XKR6: variants seen among roughly 807,000 people sequenced by gnomAD.
XKR6 encodes XK related 6, also known as XK-related protein 6.
In XKR6, 22 loss-of-function variants were observed where a neutral mutation model predicts 56.7. The ratio of observed to expected loss-of-function variants is 0.39; its 90% CI spans 0.28 to 0.55. The LOEUF (loss-of-function observed/expected upper bound fraction) is 0.55, where lower values mean the gene tolerates loss of function less well. Ranked by LOEUF, XKR6 falls within the 20% of genes least tolerant of loss-of-function variation. The pLI, the probability that XKR6 is intolerant of heterozygous loss-of-function variation, is 0.66. For synonymous variants in XKR6, 524 were observed against 387.8 expected (o/e 1.35, Z -4.13); for missense variants, 852 against 889.0 (o/e 0.96, Z 0.53).
intron 1 of XKR6, among the ~76,000 whole-genome samples, chr8:11,156,182 G>C (rs768702796): frequency 8.5e-5 from 13 of 152,150 alleles, no homozygotes; most frequent in African/African-American, 2.4e-5. Flanking sequence ...CTGTGGCAAG[G>C]TCAGAATCTG....
intron 1 of XKR6, among the ~76,000 whole-genome samples, chr8:10,954,923 C>CAGT (rs918870039): frequency 1.5e-5 from 2 of 134,468 alleles, no homozygotes; most frequent in Non-Finnish European, 3.1e-5. Flanking sequence ...GGCTGAAGTG[C>CAGT]AGTGGTGCAA....
intron 1 of XKR6, among the ~76,000 whole-genome samples, chr8:11,143,038 C>G (rs1046096787): frequency 6.6e-6 from 1 of 152,152 alleles, no homozygotes; most frequent in Non-Finnish European, 1.5e-5. Flanking sequence ...ATAAACTCAA[C>G]AACCAAATAG....
At chr8:10,956,170 G>A (rs886259808) in intron 1 of XKR6, among the ~76,000 whole-genome samples, 1 of 133,626 alleles carries the variant, frequency 7.5e-6, no homozygotes, top group African/African-American at 2.6e-5. Flanking sequence ...GGAGGAAGTA[G>A]GCAGAAAGGA....
At chr8:11,053,835 G>A (rs1466623071) in intron 1 of XKR6, among the ~76,000 whole-genome samples, 1 of 152,192 alleles carries the variant, frequency 6.6e-6, no homozygotes, top group Admixed American at 6.5e-5. Context: ...CACCTAAGCA[G>A]GGAAGAGAAG....
At chr8:11,178,991 C>T (rs915371969) in intron 1 of XKR6, among the ~76,000 whole-genome samples, 1 of 150,072 alleles carries the variant, frequency 6.7e-6, no homozygotes, top group South Asian at 2.1e-4. Flanking sequence ...TACAGGCATA[C>T]ACGACCACAC....
chr8:11,012,730 C>T (rs574532491), intron 1 of XKR6, among the ~76,000 whole-genome samples: 2 of 151,142 alleles, frequency 1.3e-5, no homozygotes, highest in Admixed American at 1.3e-4. Flanking sequence ...TCTTTGGATT[C>T]ATCCTGGCCC....
chr8:11,128,700 G>T (rs1799951438), intron 1 of XKR6: 1 of 384,088 alleles, frequency 2.6e-6, no homozygotes, highest in Non-Finnish European at 5.1e-6. Flanking sequence ...TTAAATGGCT[G>T]TTCATTAAAC....
intron 1 of XKR6, among the ~76,000 whole-genome samples, chr8:11,098,282 GGC>G (rs1429321916): frequency 6.6e-6 from 1 of 151,544 alleles, no homozygotes; most frequent in Non-Finnish European, 1.5e-5. Flanking sequence ...ACGACACACA[GGC>G]GCGCGCGCAC....
At chr8:10,977,393 C>T (rs1160702014) in intron 1 of XKR6, among the ~76,000 whole-genome samples, 1 of 151,876 alleles carries the variant, frequency 6.6e-6, no homozygotes, top group Non-Finnish European at 1.5e-5. Context: ...TAACCCCCTG[C>T]ACAGGTTAAG....
chr8:10,990,523 G>A (rs1257802686), intron 1 of XKR6, among the ~76,000 whole-genome samples: 4 of 152,182 alleles, frequency 2.6e-5, no homozygotes, highest in Admixed American at 1.3e-4. Context: ...GCTGTCCATG[G>A]ACACAACACA....
intron 1 of XKR6, among the ~76,000 whole-genome samples, chr8:11,072,966 C>G (rs995541890): frequency 6.6e-6 from 1 of 152,072 alleles, no homozygotes; most frequent in African/African-American, 2.4e-5. Flanking sequence ...AGGAGAATTG[C>G]TTCAACCTGG....
intron 1 of XKR6, among the ~76,000 whole-genome samples, chr8:11,047,670 G>A (rs1339680042): frequency 6.6e-6 from 1 of 152,220 alleles, no homozygotes; most frequent in East Asian, 1.9e-4. Flanking sequence ...TTCAGTTTGG[G>A]AAGATGCAAG....
At chr8:11,098,582 G>C (rs978301304) in intron 1 of XKR6, among the ~76,000 whole-genome samples, 3 of 152,146 alleles carry the variant, frequency 2.0e-5, no homozygotes, top group Non-Finnish European at 4.4e-5. Context: ...CATAGGCTAG[G>C]ATGACTATGT....
At chr8:10,981,792 T>C (rs1284682342) in intron 1 of XKR6, among the ~76,000 whole-genome samples, 13 of 152,250 alleles carry the variant, frequency 8.5e-5, no homozygotes, top group Admixed American at 8.5e-4. Flanking sequence ...TTGCCAATTA[T>C]TCCTTCTTTC....
chr8:10,960,851 A>G (rs1393428638), intron 1 of XKR6, among the ~76,000 whole-genome samples: 1 of 152,218 alleles, frequency 6.6e-6, no homozygotes, highest in African/African-American at 2.4e-5. Flanking sequence ...AGCTTGGGAG[A>G]TCGCTTGCAT....
chr8:11,126,354 C>G (rs956999191), intron 1 of XKR6, among the ~76,000 whole-genome samples: 1 of 152,220 alleles, frequency 6.6e-6, no homozygotes, highest in Non-Finnish European at 1.5e-5. Flanking sequence ...GCGTGAGCCA[C>G]TGTGCCCGGC....
intron 1 of XKR6, among the ~76,000 whole-genome samples, chr8:11,039,468 C>T (rs1176306124): frequency 7.2e-5 from 11 of 152,348 alleles, no homozygotes; most frequent in Middle Eastern, 3.4e-3. Flanking sequence ...ATGAGGGACG[C>T]GCACTGCCCA....
At chr8:11,105,276 A>G (rs1337453255) in intron 1 of XKR6, 1 of 152,226 alleles carries the variant, frequency 6.6e-6, no homozygotes, top group Non-Finnish European at 1.5e-5. Context: ...TTTTTATTTT[A>G]CCAAACAAGA....
rs543954384 is a variant in XKR6 at position 10,958,678 on chromosome 8, C to G, written c.765-33848G>C. Among the ~76,000 whole-genome samples the G allele has an allele frequency of 1.8e-4, 28 of 152,328 alleles. 2 individuals are homozygous for G. Among genetic ancestry groups the G allele is most frequent in the African/African-American group, 6.0e-4 (25 of 41,572 alleles). Reference sequence around the variant, plus strand: ...GAGCCTGGACTCAGCCTGGGCCGCCCGCTGATGGAGGCAGTGGCCATTTTT... The same window carrying G: ...GAGCCTGGACTCAGCCTGGGCCGCCGGCTGATGGAGGCAGTGGCCATTTTT... On this transcript the variant is annotated intron_variant, in intron 1 of 2. Transcript: ENST00000416569.
Sources: gnomAD v4.1 joint callset for allele counts (sites outside exome capture counted in the v4.1 genomes callset) on GRCh38, gnomAD v4.1.1 for gene constraint, MANE v1.5 for transcripts, NCBI Gene and HGNC (gene_info 2026-07-23, HGNC 2026-07-21) for gene names.